Variants in SF3A3 observed in about 807,000 individuals in gnomAD.
SF3A3 encodes SAP 61.
A neutral mutation model predicts 85.8 loss-of-function variants in SF3A3; 9 were observed. The observed-to-expected ratio is 0.10, with a 90% confidence interval of 0.06 to 0.18. SF3A3 has a LOEUF of 0.18. Among genes scored for constraint, SF3A3 ranks in the 10% least tolerant of loss-of-function variants. SF3A3 has a pLI of 1.00. For missense variants in SF3A3, 306 were observed against 593.3 expected, an observed-to-expected ratio of 0.52 and a Z score of 5.03; for synonymous variants, 195 against 204.4, an observed-to-expected ratio of 0.95 and a Z score of 0.39.
intron 15 of SF3A3, among the ~76,000 whole-genome samples, chr1:37,963,657 C>T (rs1372343759): frequency 6.6e-6 from 1 of 150,444 alleles, no homozygotes; most frequent in African/African-American, 2.4e-5. Flanking sequence ...CCTGGGTTCA[C>T]GCCATTCTCC....
intron 5 of SF3A3, 72 bp from the exon 6 acceptor site, chr1:37,984,332 C>T: frequency 1.2e-6 from 1 of 843,862 alleles, no homozygotes; most frequent in Non-Finnish European, 2.0e-6. Context: ...TTCAAATGGA[C>T]TGTGTGTTCC....
At position 37,969,408 on chromosome 1, in the gene SF3A3, C is replaced by G; in HGVS notation, c.1227G>C (p.Glu409Asp). 6.2e-7 allele frequency: 1 copy of G among 1,612,814 alleles called. No individual in the cohort carries two copies. The highest frequency in any genetic ancestry group is 8.5e-7 in the Non-Finnish European group (1 of 1,179,982). The change falls in exon 14 of 17, where the codon GAG (glutamate) becomes GAC (aspartate). Residue 409 changes from glutamate (E) to aspartate (D), a missense_variant. Around this residue, in one of 4 missense-constraint regions of SF3A3, gnomAD observed 136 missense variants for 296.6 expected, o/e 0.46. Coordinates refer to ENST00000373019, the MANE Select transcript of SF3A3 (RefSeq NM_006802.4). ...CTCGGTAGGTGTAGTTTCCACAAAT[C>G]TCACAGTTGTAGTTGATATTTAGGC... ...LHGLNINYNC[E>D]ICGNYTYRGP...
chr1:37,976,660 C>T (rs1646381598), intron 12 of SF3A3, among the ~76,000 whole-genome samples: 1 of 152,124 alleles, frequency 6.6e-6, no homozygotes. Flanking sequence ...CTCTATTCTC[C>T]ATGACTGGCT....
At chr1:37,977,484 T>C (rs1646386559) in intron 11 of SF3A3, among the ~76,000 whole-genome samples, 1 of 151,904 alleles carries the variant, frequency 6.6e-6, no homozygotes, top group South Asian at 2.1e-4. Context: ...TGGCGATCAC[T>C]TGAGGTTGGG....
chr1:37,978,509 A>G (rs1020055261), intron 11 of SF3A3, among the ~76,000 whole-genome samples: 2 of 152,140 alleles, frequency 1.3e-5, no homozygotes, highest in African/African-American at 4.8e-5. Context: ...TAGAAACTTG[A>G]TGTGCTCTCA....
rs572770147 is a variant in SF3A3, at chr1:37,959,121, C to G, written c.1429-858G>C. ...TGAGGTAAGTTCTTGCTCTGTCACCCAGGCTGGAGTGCAATGGTGCGATCA... is the reference window on the plus strand; with the variant it reads ...TGAGGTAAGTTCTTGCTCTGTCACCGAGGCTGGAGTGCAATGGTGCGATCA... On this transcript the variant is annotated intron_variant, in intron 16 of 16. Transcript: ENST00000373019. Among the ~76,000 whole-genome samples, 3 of 151,486 alleles carry G rather than the reference C, an allele frequency of 2.0e-5. No homozygotes were observed. In the South Asian group the frequency reaches 6.3e-4, roughly 32 times the overall value.
At chr1:37,964,994 A>G (rs1384685891) in intron 15 of SF3A3, among the ~76,000 whole-genome samples, 8 of 152,078 alleles carry the variant, frequency 5.3e-5, no homozygotes, top group Admixed American at 5.2e-4. Context: ...CCCCGTCTCT[A>G]CTAAAAATAC....
In SF3A3 at chr1:37,979,121, CCA is replaced by C. The variant is rs1646399312; in HGVS notation, c.760-68_760-67del. 6 of 1,324,094 alleles carry C rather than the reference CCA, an allele frequency of 4.5e-6. No individual in the cohort carries two copies. In the Middle Eastern group the frequency reaches 1.2e-3, roughly 255 times the overall value. 82.0% of individuals were successfully genotyped at this position (1,324,094 alleles called of 1,614,324 possible). On this transcript the variant is annotated intron_variant, in intron 9 of 16. Coordinates refer to ENST00000373019, the MANE Select transcript of SF3A3 (RefSeq NM_006802.4). ...ATTTTTGGGAAACCCCAAATGCAGG[CCA>C]GAGGGTGGGTGTTCCTGAGGCTGTG...
chr1:37,983,754 G>T (rs541684947), intron 6 of SF3A3, among the ~76,000 whole-genome samples: 2 of 151,794 alleles, frequency 1.3e-5, no homozygotes, highest in South Asian at 4.2e-4. Context: ...GGGCAACACT[G>T]CAAGACCCCA....
At chr1:37,964,922 G>A (rs1407921633) in intron 15 of SF3A3, among the ~76,000 whole-genome samples, 1 of 152,114 alleles carries the variant, frequency 6.6e-6, no homozygotes, top group African/African-American at 2.4e-5. Flanking sequence ...ACTTTGGGAG[G>A]CCAATGCGGG....
At chr1:37,958,773 A>G (rs80132011) in intron 16 of SF3A3, among the ~76,000 whole-genome samples, 1 of 152,012 alleles carries the variant, frequency 6.6e-6, no homozygotes, top group African/African-American at 2.4e-5. Context: ...TGCCAAAAAG[A>G]AAAAAAATAC....
rs1289664021 is a variant in SF3A3, at chr1:37,978,725, G to C, written c.930C>G (p.Thr310=). 3 of 1,556,172 alleles carry C rather than the reference G, an allele frequency of 1.9e-6. No individual in the cohort carries two copies. Among genetic ancestry groups the C allele is most frequent in the Admixed American group, 3.9e-5 (2 of 51,718 alleles). The part of the protein sequence containing the change: ...LFAKNPKSKG[T]KRDTERNKDI... ...GTGCTACCCCAGCCACTCACCGCTT[G>C]GTGCCCTTTGACTTGGGATTTTTGG... The change falls in exon 11 of 17, where the codon ACC becomes ACG. Residue 310 remains threonine, a synonymous_variant. Transcript: ENST00000373019.
chr1:37,984,200 T>C lies in SF3A3; in HGVS notation c.437A>G (p.Tyr146Cys). The C allele has an allele frequency of 6.2e-7, 1 of 1,609,322 alleles. No individual in the cohort carries two copies. The highest frequency in any genetic ancestry group is 1.3e-5 in the African/African-American group (1 of 74,970). The change falls in exon 6 of 17, where the codon TAC (tyrosine) becomes TGC (cysteine). Residue 146 changes from tyrosine to cysteine, a missense_variant. By Grantham distance (194) the Tyr-to-Cys change is radical. Transcript: ENST00000373019. ...YGRYLDLHDC[Y>C]LKYINLKASE... is the part of the protein sequence containing the mutation. ...TGCCTTCAGGTTAATGTACTTGAGG[T>C]AACAGTCATGGAGATCGAGATAACG...
intron 11 of SF3A3, 99 bp downstream of exon 11, chr1:37,978,621 G>A (rs1200782985): frequency 1.2e-5 from 8 of 679,642 alleles, no homozygotes; most frequent in South Asian, 3.9e-5. Context: ...AACCAATAAC[G>A]GAGATAAAGC....
chr1:37,986,963 G>T (rs1646461789), intron 4 of SF3A3, among the ~76,000 whole-genome samples: 1 of 152,144 alleles, frequency 6.6e-6, no homozygotes, highest in Non-Finnish European at 1.5e-5. Context: ...CAACCCAACG[G>T]GGAGCCATGG....
In SF3A3 at chr1:37,980,698, A is replaced by T; in HGVS notation, c.578T>A (p.Leu193His). The T allele has an allele frequency of 6.2e-7, 1 of 1,613,832 alleles. No individual in the cohort carries two copies. Among genetic ancestry groups the T allele is most frequent in the African/African-American group, 1.3e-5 (1 of 75,026 alleles). The change falls in exon 8 of 17, where the codon CTT becomes CAT. Residue 193 changes from leucine (L) to histidine (H), a missense_variant. This residue lies in a region of SF3A3 where 136 missense variants were observed against 296.6 expected (regional missense o/e 0.46). Transcript: ENST00000373019. ...CTTCACTCTATCTGTGTAATCCTGA[A>T]GGTACTCAAGCAGCATCTCTAGGTA... ...KRYLEMLLEY[L>H]QDYTDRVKPL...
At chr1:37,969,545 G>A (rs1646324550) in intron 13 of SF3A3, 26 bp downstream of exon 13, 2 of 1,614,178 alleles carry the variant, frequency 1.2e-6, no homozygotes, top group Non-Finnish European at 1.7e-6. Context: ...GGGGAATGGG[G>A]AGAAAGTGGT....
At chr1:37,975,796 A>C (rs1276392075) in intron 12 of SF3A3, among the ~76,000 whole-genome samples, 1 of 152,226 alleles carries the variant, frequency 6.6e-6, no homozygotes, top group East Asian at 1.9e-4. Flanking sequence ...TATGTGAACA[A>C]GCTATCTGAT....
chr1:37,966,019 G>T (rs1646297283), intron 15 of SF3A3, among the ~76,000 whole-genome samples: 2 of 151,876 alleles, frequency 1.3e-5, no homozygotes, highest in Non-Finnish European at 2.9e-5. Context: ...TGGCCAACAT[G>T]CTAAAACCCC....
Sources: allele counts gnomAD v4.1 joint callset (sites outside exome capture counted in the v4.1 genomes callset), GRCh38; gene constraint gnomAD v4.1.1; regional missense constraint gnomAD v4.1.1; transcripts MANE v1.5; gene names NCBI Gene and HGNC (gene_info 2026-07-23, HGNC 2026-07-21).